DNM3: variants seen among roughly 807,000 people sequenced by gnomAD.
DNM3 encodes the protein dynamin 3.
DNM3 carries 47 observed loss-of-function variants against 101.6 expected under a neutral mutation model. The ratio of observed to expected loss-of-function variants is 0.46; its 90% CI spans 0.37 to 0.59. The LOEUF is 0.59. DNM3 is among the 20% of genes least tolerant of loss of function. The pLI is 0.00. For missense variants in DNM3, 849 were observed against 1,085.7 expected (o/e 0.78, Z 3.06); for synonymous variants, 385 against 387.9 (o/e 0.99, Z 0.09).
intron 15 of DNM3, among the ~76,000 whole-genome samples, chr1:172,260,585 T>C (rs147367575): frequency 3.3e-5 from 5 of 152,094 alleles, no homozygotes; most frequent in African/African-American, 1.2e-4. Context: ...AGATTCTTTC[T>C]CCTGCTTGTT....
At chr1:172,046,684 G>GT (rs2049837487) in intron 9 of DNM3, among the ~76,000 whole-genome samples, 1 of 152,010 alleles carries the variant, frequency 6.6e-6, no homozygotes, top group Admixed American at 6.6e-5. Flanking sequence ...CAAATCTAAC[G>GT]TTTTTTCTTT....
chr1:172,050,650 G>T (rs777919200), intron 10 of DNM3, among the ~76,000 whole-genome samples: 1 of 152,110 alleles, frequency 6.6e-6, no homozygotes, highest in Non-Finnish European at 1.5e-5. Flanking sequence ...AATCTGGATA[G>T]GTTTGGCATT....
At chr1:172,193,235 T>C (rs1045900616) in intron 14 of DNM3, among the ~76,000 whole-genome samples, 1 of 152,142 alleles carries the variant, frequency 6.6e-6, no homozygotes, top group Admixed American at 6.6e-5. Flanking sequence ...GGATAAGCTT[T>C]TTGATTTGCT....
chr1:172,050,761 C>A (rs1009635634), intron 10 of DNM3, among the ~76,000 whole-genome samples: 15 of 152,196 alleles, frequency 9.9e-5, no homozygotes, highest in African/African-American at 3.4e-4. Context: ...ACAGAAGATG[C>A]ATAACTCCAA....
At chr1:172,325,427 T>C (rs1482975478) in intron 17 of DNM3, among the ~76,000 whole-genome samples, 1 of 152,152 alleles carries the variant, frequency 6.6e-6, no homozygotes, top group Admixed American at 6.6e-5. Flanking sequence ...TATTGCCCCA[T>C]GCCTTATTTT....
At chr1:172,356,652 T>C (rs979338120) in intron 17 of DNM3, among the ~76,000 whole-genome samples, 2 of 152,076 alleles carry the variant, frequency 1.3e-5, no homozygotes, top group African/African-American at 4.8e-5. Context: ...GACATTATTA[T>C]ATTAAAGTTT....
At chr1:172,035,070 G>C (rs905277205) in intron 6 of DNM3, among the ~76,000 whole-genome samples, 1 of 152,120 alleles carries the variant, frequency 6.6e-6, no homozygotes, top group Non-Finnish European at 1.5e-5. Flanking sequence ...GTAAGGGCCA[G>C]TGGAGAGTAA....
At chr1:172,287,505 G>A (rs1297951231) in intron 15 of DNM3, among the ~76,000 whole-genome samples, 2 of 152,164 alleles carry the variant, frequency 1.3e-5, no homozygotes, top group South Asian at 2.1e-4. Context: ...AATGTGTTTT[G>A]CAATGCTCTT....
chr1:171,900,017 A>C (rs1016791342), intron 1 of DNM3, among the ~76,000 whole-genome samples: 7 of 152,236 alleles, frequency 4.6e-5, no homozygotes, highest in Non-Finnish European at 7.3e-5. Context: ...CACTGCAAGG[A>C]GTTCAGTGTA....
intron 2 of DNM3, among the ~76,000 whole-genome samples, chr1:171,930,744 T>C (rs2125363530): frequency 6.6e-6 from 1 of 152,276 alleles, no homozygotes; most frequent in Non-Finnish European, 1.5e-5. Context: ...CCTTGATTAG[T>C]CCCAGTGCAA....
At chr1:172,011,176 GC>G (rs2125709504) in intron 4 of DNM3, among the ~76,000 whole-genome samples, 1 of 151,912 alleles carries the variant, frequency 6.6e-6, no homozygotes, top group South Asian at 2.1e-4. Context: ...TCTAATAAAT[GC>G]AACATATTCA....
chr1:172,245,290 G>C (rs1347098308), intron 14 of DNM3, among the ~76,000 whole-genome samples: 4 of 152,160 alleles, frequency 2.6e-5, no homozygotes, highest in Non-Finnish European at 4.4e-5. Context: ...TTTCTTTAGG[G>C]GTTTATCTTG....
chr1:172,400,211 T>A (rs1422871481), intron 20 of DNM3, among the ~76,000 whole-genome samples: 1 of 152,140 alleles, frequency 6.6e-6, no homozygotes, highest in Non-Finnish European at 1.5e-5. Flanking sequence ...TCTCAGCACC[T>A]CCTTTCTGCC....
At chr1:172,153,174 G>A (rs1020950941) in intron 14 of DNM3, among the ~76,000 whole-genome samples, 6 of 152,112 alleles carry the variant, frequency 3.9e-5, no homozygotes, top group African/African-American at 1.4e-4. Flanking sequence ...GTCAAATGGT[G>A]TAAAGAAAGA....
At chr1:172,148,795 G>A (rs572832148) in intron 14 of DNM3, among the ~76,000 whole-genome samples, 1 of 150,516 alleles carries the variant, frequency 6.6e-6, no homozygotes, top group Admixed American at 6.6e-5. Flanking sequence ...TTTAATTGGA[G>A]GCAATGCAGT....
chr1:172,007,651 T>A (rs1367255867), intron 4 of DNM3, among the ~76,000 whole-genome samples: 1 of 152,132 alleles, frequency 6.6e-6, no homozygotes, highest in East Asian at 1.9e-4. Context: ...ATCAAGTTTT[T>A]ATATGGCTCT....
At chr1:172,001,899 C>T (rs1457343794) in intron 4 of DNM3, among the ~76,000 whole-genome samples, 3 of 151,966 alleles carry the variant, frequency 2.0e-5, no homozygotes, top group African/African-American at 4.8e-5. Flanking sequence ...TATTCATTGA[C>T]CTTTGGCAAC....
chr1:171,899,796 A>T (rs1038928958), intron 1 of DNM3, among the ~76,000 whole-genome samples: 1 of 152,216 alleles, frequency 6.6e-6, no homozygotes, highest in African/African-American at 2.4e-5. Context: ...AAAATAGACA[A>T]AACATATATA....
intron 14 of DNM3, among the ~76,000 whole-genome samples, chr1:172,201,358 T>C (rs1483299921): frequency 6.6e-6 from 1 of 152,158 alleles, no homozygotes; most frequent in Non-Finnish European, 1.5e-5. Flanking sequence ...ACTGCAGCTC[T>C]GGGGTGATCT....
Sources: gnomAD v4.1 joint callset for allele counts (sites outside exome capture counted in the v4.1 genomes callset) on GRCh38, gnomAD v4.1.1 for gene constraint, MANE v1.5 for transcripts, NCBI Gene and HGNC (gene_info 2026-07-23, HGNC 2026-07-21) for gene names.